Variants in MACROD2 observed in about 807,000 individuals in gnomAD.
MACROD2 encodes the protein ADP-ribose glycohydrolase MACROD2.
Under a neutral mutation model 70.4 loss-of-function variants are expected in MACROD2, and 36 were observed. That is an observed-to-expected ratio of 0.51 (90% confidence interval 0.39 to 0.68). MACROD2 has a LOEUF of 0.68. Among genes scored for constraint, MACROD2 ranks in the 30% least tolerant of loss-of-function variants. The probability of loss-of-function intolerance (pLI) is 0.00; values close to 1 mark genes in which losing one functional copy is unlikely to be tolerated. For synonymous variants in MACROD2, 172 were observed against 178.8 expected, an observed-to-expected ratio of 0.96 and a Z score of 0.30; for missense variants, 496 against 538.4, an observed-to-expected ratio of 0.92 and a Z score of 0.78.
At chr20:14,137,227 AAC>A (rs869175171) in intron 3 of MACROD2, among the ~76,000 whole-genome samples, 2 of 146,288 alleles carry the variant, frequency 1.4e-5, no homozygotes, top group African/African-American at 4.9e-5. Context: ...ACAGTTGATT[AAC>A]ACATGTTTTG....
At position 14,496,977 on chromosome 20, in the gene MACROD2, C is replaced by A. The variant is rs576716673; in HGVS notation, c.301+3469C>A. Among the ~76,000 whole-genome samples the A allele has an allele frequency of 4.6e-5, 7 of 151,728 alleles. 1 individual carries two copies. The highest frequency in any genetic ancestry group is 1.7e-4 in the African/African-American group (7 of 41,058). ...CTTCAAAGTTGCATAGCTTATAGGG[C>A]AAAGTTGGAATGAGAAGACAGCGTT... On this transcript the variant is annotated intron_variant, in intron 4 of 17. Coordinates refer to ENST00000684519, the MANE Select transcript of MACROD2 (RefSeq NM_001351661.2).
At chr20:14,203,683 G>T (rs1041619757) in intron 3 of MACROD2, among the ~76,000 whole-genome samples, 1 of 152,178 alleles carries the variant, frequency 6.6e-6, no homozygotes, top group Non-Finnish European at 1.5e-5. Context: ...TTCCTTAGAG[G>T]CTTAGGCTGT....
At chr20:14,571,489 A>C (rs1209288882) in intron 4 of MACROD2, among the ~76,000 whole-genome samples, 1 of 152,084 alleles carries the variant, frequency 6.6e-6, no homozygotes, top group African/African-American at 2.4e-5. Context: ...ATTAAAAAGT[A>C]ATCTATTTCC....
At chr20:15,745,718 T>C (rs1295793832) in intron 8 of MACROD2, among the ~76,000 whole-genome samples, 1 of 152,190 alleles carries the variant, frequency 6.6e-6, no homozygotes, top group African/African-American at 2.4e-5. Flanking sequence ...TTAATCCACT[T>C]AGTATCCACA....
At chr20:14,026,327 A>T (rs183486199) in intron 2 of MACROD2, among the ~76,000 whole-genome samples, 11 of 152,328 alleles carry the variant, frequency 7.2e-5, no homozygotes, top group African/African-American at 1.9e-4. Flanking sequence ...TAATCGGGGC[A>T]TTTAGCCTGT....
chr20:15,466,986 G>A (rs2046900256), intron 7 of MACROD2, among the ~76,000 whole-genome samples: 1 of 152,120 alleles, frequency 6.6e-6, no homozygotes, highest in African/African-American at 2.4e-5. Flanking sequence ...GCTGAAGTTG[G>A]GCATTGCAGC....
At chr20:15,202,439 T>C (rs1394930795) in intron 5 of MACROD2, among the ~76,000 whole-genome samples, 1 of 152,196 alleles carries the variant, frequency 6.6e-6, no homozygotes, top group African/African-American at 2.4e-5. Context: ...TTTAGCTGCC[T>C]GGAAGCTCAA....
intron 3 of MACROD2, among the ~76,000 whole-genome samples, chr20:14,265,863 G>T (rs1025081745): frequency 6.8e-6 from 1 of 146,066 alleles, no homozygotes; most frequent in East Asian, 2.1e-4. Context: ...TGCAAGCTCC[G>T]CCTTCCGGGT....
chr20:15,614,100 C>A (rs1483935333), intron 8 of MACROD2, among the ~76,000 whole-genome samples: 1 of 152,218 alleles, frequency 6.6e-6, no homozygotes, highest in Non-Finnish European at 1.5e-5. Context: ...TAAGTCAGTT[C>A]ATTCCTGCTG....
At chr20:15,410,369 A>G (rs937570027) in intron 6 of MACROD2, among the ~76,000 whole-genome samples, 6 of 152,178 alleles carry the variant, frequency 3.9e-5, no homozygotes, top group African/African-American at 1.4e-4. Flanking sequence ...TAAAAAACCA[A>G]TCATGTCTTT....
intron 6 of MACROD2, among the ~76,000 whole-genome samples, chr20:15,293,389 A>G (rs1363325895): frequency 6.6e-6 from 1 of 152,240 alleles, no homozygotes; most frequent in Non-Finnish European, 1.5e-5. Flanking sequence ...TTAAATATAG[A>G]GTTTTTCTAT....
intron 8 of MACROD2, among the ~76,000 whole-genome samples, chr20:15,674,754 T>TGTG (rs140588066): frequency 3.4e-5 from 5 of 148,612 alleles, no homozygotes; most frequent in Admixed American, 6.7e-5. Context: ...TGTGTGTGTG[T>TGTG]TGTGTGTGTG....
chr20:14,315,246 T>G (rs1275568579), intron 3 of MACROD2, among the ~76,000 whole-genome samples: 1 of 152,188 alleles, frequency 6.6e-6, no homozygotes, highest in Non-Finnish European at 1.5e-5. Context: ...TTGGTTTCTT[T>G]TGTGAACTGG....
At chr20:14,083,458 T>G (rs2054028880) in intron 2 of MACROD2, among the ~76,000 whole-genome samples, 1 of 151,996 alleles carries the variant, frequency 6.6e-6, no homozygotes, top group African/African-American at 2.4e-5. Context: ...TGTTGATCAC[T>G]TACTATGAGG....
chr20:15,856,993 G>A (rs1442851766), intron 8 of MACROD2, among the ~76,000 whole-genome samples: 1 of 152,178 alleles, frequency 6.6e-6, no homozygotes, highest in Non-Finnish European at 1.5e-5. Context: ...GTTATTCTTT[G>A]TACTTCATTG....
chr20:14,349,935 G>A (rs1363801587), intron 3 of MACROD2, among the ~76,000 whole-genome samples: 1 of 150,690 alleles, frequency 6.6e-6, no homozygotes, highest in East Asian at 2.0e-4. Flanking sequence ...TTTTAGTAGA[G>A]ACGGGGTTTC....
chr20:15,061,405 G>A (rs1207328159), intron 5 of MACROD2, among the ~76,000 whole-genome samples: 1 of 152,182 alleles, frequency 6.6e-6, no homozygotes, highest in South Asian at 2.1e-4. Flanking sequence ...ACCCGAGTGT[G>A]TGCCCTAGTC....
intron 8 of MACROD2, among the ~76,000 whole-genome samples, chr20:15,843,683 G>A (rs1019096090): frequency 6.6e-6 from 1 of 152,014 alleles, no homozygotes; most frequent in Non-Finnish European, 1.5e-5. Flanking sequence ...TTTCTACCAT[G>A]GGCCCATTTA....
chr20:16,038,250 G>A (rs1161718124), intron 15 of MACROD2, among the ~76,000 whole-genome samples: 7 of 151,244 alleles, frequency 4.6e-5, no homozygotes, highest in African/African-American at 9.7e-5. Flanking sequence ...ATTTTGCTTC[G>A]GAATCATAAC....
Sources: gnomAD v4.1 joint callset for allele counts (sites outside exome capture counted in the v4.1 genomes callset) on GRCh38, gnomAD v4.1.1 for gene constraint, MANE v1.5 for transcripts, NCBI Gene and HGNC (gene_info 2026-07-23, HGNC 2026-07-21) for gene names.